Variants in NALF1 observed in about 807,000 individuals in gnomAD.
NALF1 encodes family with sequence similarity 155 member A.
Under a neutral mutation model 48.4 loss-of-function variants are expected in NALF1, and 3 were observed. The observed-to-expected ratio is 0.06, with a 90% confidence interval of 0.03 to 0.16. The LOEUF is 0.16. Among genes scored for constraint, NALF1 ranks in the 10% least tolerant of loss-of-function variants. The pLI is 1.00. For synonymous variants in NALF1, 262 were observed against 245.7 expected, an observed-to-expected ratio of 1.07 and a Z score of -0.62; for missense variants, 526 against 571.5, an observed-to-expected ratio of 0.92 and a Z score of 0.81.
chr13:107,179,594 T>A (rs1879019352), intron 2 of NALF1, among the ~76,000 whole-genome samples: 1 of 151,578 alleles, frequency 6.6e-6, no homozygotes, highest in South Asian at 2.1e-4. Context: ...TTATTACACA[T>A]CTTATGCCTG....
chr13:107,356,222 C>T (rs1379034870), intron 1 of NALF1, among the ~76,000 whole-genome samples: 4 of 152,022 alleles, frequency 2.6e-5, no homozygotes, highest in South Asian at 2.1e-4. Flanking sequence ...ATTTCAACAC[C>T]GACTCACATT....
At chr13:107,206,284 T>C (rs1443226473) in intron 2 of NALF1, among the ~76,000 whole-genome samples, 4 of 152,190 alleles carry the variant, frequency 2.6e-5, no homozygotes, top group Non-Finnish European at 5.9e-5. Context: ...GAATTAAACA[T>C]ATGCACGGGG....
At chr13:107,628,394 G>A (rs1879742571) in intron 1 of NALF1, among the ~76,000 whole-genome samples, 1 of 151,894 alleles carries the variant, frequency 6.6e-6, no homozygotes, top group South Asian at 2.1e-4. Context: ...CTTTCACTAG[G>A]GTACCCCTTT....
chr13:107,771,005 A>C (rs1012810934), intron 1 of NALF1, among the ~76,000 whole-genome samples: 8 of 152,146 alleles, frequency 5.3e-5, no homozygotes, highest in African/African-American at 1.9e-4. Context: ...AGCTCCTTAA[A>C]TAAAATCACC....
At chr13:107,856,564 G>T (rs909619562) in intron 1 of NALF1, among the ~76,000 whole-genome samples, 2 of 152,040 alleles carry the variant, frequency 1.3e-5, no homozygotes, top group Non-Finnish European at 2.9e-5. Context: ...TGATAACATG[G>T]ATAGGAATCA....
intron 1 of NALF1, among the ~76,000 whole-genome samples, chr13:107,728,617 T>C (rs562422705): frequency 6.6e-6 from 1 of 152,102 alleles, no homozygotes; most frequent in East Asian, 1.9e-4. Flanking sequence ...GGTTGGTGGG[T>C]GCAGCAAACC....
Position 107,591,302 on chromosome 13 carries a change from CATTT to C in NALF1, c.915+274376_915+274379del, listed in dbSNP as rs896062555. 7.2e-5 allele frequency among the ~76,000 whole-genome samples: 11 copies of C among 151,954 alleles called. No individual in the cohort carries two copies. The East Asian group carries it at 9.6e-4, about 13-fold the overall frequency. On this transcript the variant is annotated intron_variant, in intron 1 of 2. Coordinates refer to ENST00000375915, the MANE Select transcript of NALF1 (RefSeq NM_001080396.3). The stretch of plus-strand genomic sequence containing the variant: ...GCAGTGACATATGAGTAACAGTCTT[CATTT>C]GAGTGACCAAGTTTAATACGTATTC...
At chr13:107,761,413 G>C (rs1877261177) in intron 1 of NALF1, among the ~76,000 whole-genome samples, 1 of 151,918 alleles carries the variant, frequency 6.6e-6, no homozygotes, top group African/African-American at 2.4e-5. Flanking sequence ...GCAGGATTGG[G>C]AAAAATACAT....
intron 1 of NALF1, among the ~76,000 whole-genome samples, chr13:107,653,211 C>T (rs1458096461): frequency 1.3e-5 from 2 of 151,610 alleles, no homozygotes; most frequent in Admixed American, 6.6e-5. Context: ...AGATTAAACA[C>T]ATTAAATTTG....
intron 2 of NALF1, among the ~76,000 whole-genome samples, chr13:107,180,892 T>C (rs1879046604): frequency 6.6e-6 from 1 of 151,790 alleles, no homozygotes; most frequent in Admixed American, 6.6e-5. Context: ...CTAAAGGTAA[T>C]TTTCAAACTT....
intron 1 of NALF1, among the ~76,000 whole-genome samples, chr13:107,239,395 C>A (rs1485696767): frequency 2.0e-5 from 3 of 152,156 alleles, no homozygotes; most frequent in African/African-American, 7.2e-5. Flanking sequence ...GTCACATGGC[C>A]TTCTCCTATA....
chr13:107,773,582 T>G (rs1013487194), intron 1 of NALF1, among the ~76,000 whole-genome samples: 7 of 151,952 alleles, frequency 4.6e-5, no homozygotes, highest in African/African-American at 1.7e-4. Context: ...AGATCTCTTA[T>G]TTTTAACAAC....
chr13:107,446,555 G>A (rs945475988), intron 1 of NALF1, among the ~76,000 whole-genome samples: 2 of 151,898 alleles, frequency 1.3e-5, no homozygotes, highest in African/African-American at 2.4e-5. Flanking sequence ...TATATTTCAT[G>A]GCAGCATAGA....
chr13:107,693,069 G>A (rs1881603725), intron 1 of NALF1, among the ~76,000 whole-genome samples: 1 of 152,068 alleles, frequency 6.6e-6, no homozygotes, highest in African/African-American at 2.4e-5. Flanking sequence ...TTGAGGAATC[G>A]CCACACTGTC....
intron 1 of NALF1, among the ~76,000 whole-genome samples, chr13:107,318,212 C>T (rs1241761248): frequency 6.6e-6 from 1 of 152,064 alleles, no homozygotes; most frequent in Non-Finnish European, 1.5e-5. Flanking sequence ...CAAAATATGT[C>T]AATCAAGTAA....
At chr13:107,374,964 G>T (rs1420541743) in intron 1 of NALF1, among the ~76,000 whole-genome samples, 6 of 152,250 alleles carry the variant, frequency 3.9e-5, no homozygotes, top group African/African-American at 1.4e-4. Flanking sequence ...TTCTCTTAGA[G>T]CAGCACAAAA....
intron 2 of NALF1, among the ~76,000 whole-genome samples, chr13:107,193,798 G>T (rs1027716122): frequency 2.6e-5 from 4 of 152,146 alleles, no homozygotes; most frequent in Admixed American, 6.5e-5. Flanking sequence ...TCTAAACAGA[G>T]AAGTTAAGAC....
chr13:107,238,411 C>T (rs1373900278), intron 1 of NALF1, among the ~76,000 whole-genome samples: 1 of 150,736 alleles, frequency 6.6e-6, no homozygotes, highest in Non-Finnish European at 1.5e-5. Context: ...GAGTATTAGT[C>T]AGGCAAGGAG....
chr13:107,588,834 T>A (rs912411989), intron 1 of NALF1, among the ~76,000 whole-genome samples: 1 of 152,032 alleles, frequency 6.6e-6, no homozygotes, highest in African/African-American at 2.4e-5. Flanking sequence ...GAAAGCCGAA[T>A]CCTTAAGCAT....
Sources: gnomAD v4.1 joint callset for allele counts (sites outside exome capture counted in the v4.1 genomes callset) on GRCh38, gnomAD v4.1.1 for gene constraint, MANE v1.5 for transcripts, NCBI Gene and HGNC (gene_info 2026-07-23, HGNC 2026-07-21) for gene names.